Variants in KCNQ5 observed in about 807,000 individuals in gnomAD.
The protein encoded by KCNQ5 is potassium voltage-gated channel subfamily Q member 5, also known as potassium voltage-gated channel subfamily KQT member 5.
A neutral mutation model predicts 98.2 loss-of-function variants in KCNQ5; 30 were observed. That is an observed-to-expected ratio of 0.31 (90% CI 0.23 to 0.41). KCNQ5 has a LOEUF of 0.41. Ranked by LOEUF, KCNQ5 falls within the 10% of genes least tolerant of loss-of-function variation. The probability of loss-of-function intolerance (pLI) is 1.00; values close to 1 mark genes in which losing one functional copy is unlikely to be tolerated. For synonymous variants in KCNQ5, 458 were observed against 449.4 expected (o/e 1.02, Z -0.24); for missense variants, 835 against 1,182.5 (o/e 0.71, Z 4.31).
intron 1 of KCNQ5, among the ~76,000 whole-genome samples, chr6:72,766,099 T>C (rs1375027184): frequency 6.6e-6 from 1 of 151,954 alleles, no homozygotes; most frequent in Non-Finnish European, 1.5e-5. Flanking sequence ...TAATTTTAGA[T>C]AGGATGGTCA....
At chr6:72,708,232 CA>C (rs1769188362) in intron 1 of KCNQ5, among the ~76,000 whole-genome samples, 1 of 151,994 alleles carries the variant, frequency 6.6e-6, no homozygotes, top group African/African-American at 2.4e-5. Context: ...AACAAAATGA[CA>C]AAATTTCATG....
Position 73,197,471 on chromosome 6 carries a change from T to G in KCNQ5, c.*2057T>G, listed in dbSNP as rs1030088806. On this transcript the variant is annotated 3_prime_UTR_variant, in exon 14 of 14. Coordinates refer to ENST00000370398, the MANE Select transcript of KCNQ5 (RefSeq NM_019842.4). ...TCAGTTAAGACATTGTCAATCCTTT[T>G]AAGCAATTGTTTTCATTTTCAAAAT... The G allele has an allele frequency of 6.6e-6, 1 of 152,148 alleles. No homozygotes were observed. Among genetic ancestry groups the G allele is most frequent in the African/African-American group, 2.4e-5 (1 of 41,442 alleles). The allele number at this position is 152,148 out of a possible 1,614,324, so 9.4% of individuals were successfully genotyped here. A position where few individuals can be genotyped will look rare whatever the true frequency, so the allele number is the denominator to read the frequency against.
chr6:72,795,655 T>C (rs1774291333), intron 1 of KCNQ5, among the ~76,000 whole-genome samples: 1 of 152,156 alleles, frequency 6.6e-6, no homozygotes, highest in African/African-American at 2.4e-5. Context: ...ATATAACATA[T>C]GAATCAGAAT....
At chr6:72,699,647 A>G (rs139930405) in intron 1 of KCNQ5, among the ~76,000 whole-genome samples, 1 of 152,340 alleles carries the variant, frequency 6.6e-6, no homozygotes, top group East Asian at 1.9e-4. Context: ...TCAAGAATTT[A>G]TAATTTGATG....
intron 1 of KCNQ5, among the ~76,000 whole-genome samples, chr6:72,849,756 A>T (rs928615893): frequency 7.2e-5 from 11 of 152,200 alleles, no homozygotes; most frequent in Admixed American, 1.3e-4. Context: ...TTCATCAACA[A>T]TGAAAGAGTC....
At chr6:73,111,243 T>A in intron 6 of KCNQ5, 65 bp from the exon 7 acceptor site, 1 of 1,107,492 alleles carries the variant, frequency 9.0e-7, no homozygotes, top group East Asian at 2.4e-5. Flanking sequence ...AGTGACTTTT[T>A]AATATTTGTA....
chr6:72,760,530 A>G (rs1204210787), intron 1 of KCNQ5, among the ~76,000 whole-genome samples: 1 of 151,876 alleles, frequency 6.6e-6, no homozygotes, highest in African/African-American at 2.4e-5. Flanking sequence ...GAGGGGGTTC[A>G]TGAACATAGA....
intron 1 of KCNQ5, among the ~76,000 whole-genome samples, chr6:72,693,943 C>A (rs1768347872): frequency 6.6e-6 from 1 of 152,076 alleles, no homozygotes; most frequent in East Asian, 1.9e-4. Flanking sequence ...TCCCATATTT[C>A]TCTTTTATTT....
Position 72,792,081 on chromosome 6 carries a change from T to C in KCNQ5, c.398+169494T>C, listed in dbSNP as rs549733900. ...TTTGGATGCCATGAGTGTAAAATCT[T>C]GATTTGAGCTTCATTTCATAGCCAT... On this transcript the variant is annotated intron_variant, in intron 1 of 13. Coordinates refer to ENST00000370398, the MANE Select transcript of KCNQ5 (RefSeq NM_019842.4). Among the ~76,000 whole-genome samples the C allele has an allele frequency of 3.9e-5, 6 of 152,346 alleles. No individual in the cohort carries two copies. In the East Asian group the frequency reaches 1.2e-3, roughly 29 times the overall value.
At chr6:73,135,535 C>T (rs1481940564) in intron 10 of KCNQ5, 1 of 152,004 alleles carries the variant, frequency 6.6e-6, no homozygotes. Flanking sequence ...CCTGCCCCTA[C>T]TCTAGGGGCC....
At chr6:72,877,433 A>G (rs1444857229) in intron 1 of KCNQ5, among the ~76,000 whole-genome samples, 2 of 152,124 alleles carry the variant, frequency 1.3e-5, no homozygotes, top group Non-Finnish European at 2.9e-5. Context: ...CATGGTGTAT[A>G]TGTACCACAT....
At chr6:72,682,623 T>C (rs1767761466) in intron 1 of KCNQ5, among the ~76,000 whole-genome samples, 1 of 152,190 alleles carries the variant, frequency 6.6e-6, no homozygotes, top group Non-Finnish European at 1.5e-5. Flanking sequence ...ACTCCTCTTA[T>C]ACCCCTACTT....
chr6:72,908,231 C>T (rs573894775), intron 1 of KCNQ5, among the ~76,000 whole-genome samples: 4 of 152,068 alleles, frequency 2.6e-5, no homozygotes, highest in African/African-American at 9.6e-5. Context: ...GGGAGATGTA[C>T]ACCAAAGGAT....
chr6:72,636,644 A>G (rs1035793203), intron 1 of KCNQ5, among the ~76,000 whole-genome samples: 2 of 152,144 alleles, frequency 1.3e-5, no homozygotes, highest in Middle Eastern at 3.2e-3. Context: ...TGGTTTGTAA[A>G]ATTAGGATAT....
At chr6:73,163,701 TCGCGCCA>T (rs1199921137) in intron 10 of KCNQ5, among the ~76,000 whole-genome samples, 4 of 152,176 alleles carry the variant, frequency 2.6e-5, no homozygotes, top group African/African-American at 4.8e-5. Flanking sequence ...TGAGCCAAGA[TCGCGCCA>T]CTTCACTCCA....
intron 3 of KCNQ5, among the ~76,000 whole-genome samples, chr6:73,073,091 A>T (rs1773368582): frequency 6.6e-6 from 1 of 152,014 alleles, no homozygotes; most frequent in South Asian, 2.1e-4. Context: ...TTCCTGATTT[A>T]TTATCCACCT....
intron 1 of KCNQ5, among the ~76,000 whole-genome samples, chr6:72,713,914 G>A (rs1011685700): frequency 6.6e-6 from 1 of 152,172 alleles, no homozygotes; most frequent in Non-Finnish European, 1.5e-5. Flanking sequence ...CCTGGATCCT[G>A]TGTTGTGTTG....
At chr6:72,901,245 A>G (rs1040037181) in intron 1 of KCNQ5, among the ~76,000 whole-genome samples, 6 of 148,910 alleles carry the variant, frequency 4.0e-5, no homozygotes, top group African/African-American at 1.2e-4. Context: ...TAGATTCTGG[A>G]TATTAGTCCT....
chr6:73,037,344 C>T (rs1171542148), intron 2 of KCNQ5, among the ~76,000 whole-genome samples: 1 of 152,104 alleles, frequency 6.6e-6, no homozygotes, highest in Non-Finnish European at 1.5e-5. Context: ...TACCTGGGCT[C>T]TCACAGAGTA....
Sources: gnomAD v4.1 joint callset for allele counts (sites outside exome capture counted in the v4.1 genomes callset) on GRCh38, gnomAD v4.1.1 for gene constraint, MANE v1.5 for transcripts, NCBI Gene and HGNC (gene_info 2026-07-23, HGNC 2026-07-21) for gene names.